SMIM27: variants seen among roughly 807,000 people sequenced by gnomAD.
SMIM27 encodes transition zone microprotein 1.
A neutral mutation model predicts 1.8 loss-of-function variants in SMIM27; 3 were observed. That is an observed-to-expected ratio of 1.65 (90% CI 0.75 to 4.28). The LOEUF is 4.28. SMIM27 is among the 30% of genes most tolerant of loss of function. The probability of loss-of-function intolerance (pLI) is 0.02; values close to 1 mark genes in which losing one functional copy is unlikely to be tolerated. For missense variants in SMIM27, 63 were observed against 37.0 expected, an observed-to-expected ratio of 1.70 and a Z score of -1.83; for synonymous variants, 19 against 13.9, an observed-to-expected ratio of 1.37 and a Z score of -0.82.
At chr9:32,552,212 C>G, upstream of SMIM27, 2 of 589,696 alleles carry the variant, frequency 3.4e-6, no homozygotes, top group Non-Finnish European at 6.1e-6. Context: ...AACATTTTCT[C>G]GTTTATTCCC....
chr9:32,560,272 C>A (rs1270113097), intron 1 of SMIM27, among the ~76,000 whole-genome samples: 3 of 152,228 alleles, frequency 2.0e-5, no homozygotes, highest in Non-Finnish European at 4.4e-5. Flanking sequence ...ATATGTCCAT[C>A]TATGGCTCAG....
chr9:32,559,597 T>C (rs548400289), intron 1 of SMIM27, among the ~76,000 whole-genome samples: 2 of 152,298 alleles, frequency 1.3e-5, no homozygotes, highest in Non-Finnish European at 2.9e-5. Context: ...CTGTACTTCA[T>C]GATTCCTCTA....
chr9:32,551,616 A>G (rs1212993893), upstream of SMIM27: 2 of 267,338 alleles, frequency 7.5e-6, no homozygotes, highest in Non-Finnish European at 1.6e-5. Context: ...GAACGTCTAG[A>G]GCCTAAGCGG....
intron 1 of SMIM27, among the ~76,000 whole-genome samples, chr9:32,561,035 A>G (rs946684883): frequency 7.2e-5 from 11 of 152,248 alleles, no homozygotes; most frequent in Non-Finnish European, 1.5e-4. Flanking sequence ...TAGTGAAAAC[A>G]TAACAGATGT....
chr9:32,555,765 T>G (rs1040276524), downstream of SMIM27, among the ~76,000 whole-genome samples: 13 of 152,182 alleles, frequency 8.5e-5, no homozygotes, highest in African/African-American at 3.1e-4. Flanking sequence ...CATTTAGATG[T>G]GGTCTAGGTA....
chr9:32,562,263 ATTCT>A (rs1481976667), intron 1 of SMIM27, among the ~76,000 whole-genome samples: 1 of 152,172 alleles, frequency 6.6e-6, no homozygotes, highest in Non-Finnish European at 1.5e-5. Context: ...GGTCTTGTAT[ATTCT>A]TTCTATAGCA....
At chr9:32,556,646 T>A (rs146702333), downstream of SMIM27, among the ~76,000 whole-genome samples, 1 of 152,206 alleles carries the variant, frequency 6.6e-6, no homozygotes, top group Non-Finnish European at 1.5e-5. Flanking sequence ...ATCCCTGATA[T>A]GGTCTTCTGA....
upstream of SMIM27, chr9:32,551,732 T>C: frequency 4.7e-6 from 2 of 425,318 alleles, no homozygotes; most frequent in African/African-American, 2.0e-5. Context: ...CGGGGCTTAG[T>C]ATCTCACGCG....
chr9:32,566,546 G>A, exon 2 of SMIM27: 1 of 773,092 alleles, frequency 1.3e-6, no homozygotes, highest in Non-Finnish European at 2.4e-6. Context: ...CTGTTGTATA[G>A]CTGCCGTCGT....
At chr9:32,562,563 T>C (rs761188665) in intron 1 of SMIM27, among the ~76,000 whole-genome samples, 12 of 152,244 alleles carry the variant, frequency 7.9e-5, no homozygotes, top group Non-Finnish European at 8.8e-5. Flanking sequence ...TATTCTGAAA[T>C]AATTTTAAAC....
chr9:32,557,774 GC>G (rs930549805), downstream of SMIM27, among the ~76,000 whole-genome samples: 2 of 152,124 alleles, frequency 1.3e-5, no homozygotes, highest in African/African-American at 4.8e-5. Context: ...ACCGCGCCTG[GC>G]CCCTCCCCCA....
downstream of SMIM27, among the ~76,000 whole-genome samples, chr9:32,557,984 T>C (rs1165034468): frequency 2.0e-5 from 3 of 152,232 alleles, no homozygotes; most frequent in Non-Finnish European, 4.4e-5. Flanking sequence ...GACAAGAACA[T>C]AGTATGTATT....
At chr9:32,562,324 G>A (rs1402035737) in intron 1 of SMIM27, among the ~76,000 whole-genome samples, 1 of 152,108 alleles carries the variant, frequency 6.6e-6, no homozygotes. Flanking sequence ...TTAATCAAGG[G>A]GCTTAATCTG....
chr9:32,557,118 A>G (rs34824557), downstream of SMIM27, among the ~76,000 whole-genome samples: 334 of 149,748 alleles, frequency 2.2e-3, no homozygotes, highest in Non-Finnish European at 3.8e-3. Flanking sequence ...TCTGCCTCCC[A>G]AAGTGCTGGC....
chr9:32,563,769 T>C (rs573749986), intron 1 of SMIM27, among the ~76,000 whole-genome samples: 3 of 152,372 alleles, frequency 2.0e-5, no homozygotes, highest in East Asian at 1.9e-4. Flanking sequence ...CACTTATTTA[T>C]ATCAGTTTGC....
chr9:32,555,074 T>C (rs1329050338), downstream of SMIM27, among the ~76,000 whole-genome samples: 1 of 151,018 alleles, frequency 6.6e-6, no homozygotes, highest in Non-Finnish European at 1.5e-5. Flanking sequence ...TGGTGCACGC[T>C]AGAGACTTTC....
At chr9:32,560,991 T>C (rs1821608386) in intron 1 of SMIM27, among the ~76,000 whole-genome samples, 1 of 152,248 alleles carries the variant, frequency 6.6e-6, no homozygotes, top group South Asian at 2.1e-4. Context: ...CAGAAAGTAA[T>C]ATATTTTCTT....
intron 1 of SMIM27, among the ~76,000 whole-genome samples, chr9:32,562,276 C>T (rs1297234131): frequency 6.6e-6 from 1 of 152,142 alleles, no homozygotes; most frequent in African/African-American, 2.4e-5. Flanking sequence ...CTTTCTATAG[C>T]AATAAAGGAA....
chr9:32,553,135 C>T (rs377486383), downstream of SMIM27: 131 of 445,518 alleles, frequency 2.9e-4, 2 homozygotes, highest in South Asian at 4.9e-3. Context: ...TCTTGAGTGT[C>T]AGATCATAGT....
Sources: gnomAD v4.1 joint callset for allele counts (sites outside exome capture counted in the v4.1 genomes callset) on GRCh38, gnomAD v4.1.1 for gene constraint, MANE v1.5 for transcripts, NCBI Gene and HGNC (gene_info 2026-07-23, HGNC 2026-07-21) for gene names.